Variants in COL5A2 observed in about 807,000 individuals in gnomAD.
COL5A2 encodes the protein collagen alpha-2(V) chain.
A neutral mutation model predicts 208.2 loss-of-function variants in COL5A2; 23 were observed. That is an observed-to-expected ratio of 0.11 (90% CI 0.08 to 0.16). COL5A2 has a LOEUF of 0.16. Ranked by LOEUF, COL5A2 falls within the 10% of genes least tolerant of loss-of-function variation. The pLI is 1.00. For missense variants in COL5A2, 1,590 were observed against 1,956.4 expected, an observed-to-expected ratio of 0.81 and a Z score of 3.53; for synonymous variants, 625 against 628.5, an observed-to-expected ratio of 0.99 and a Z score of 0.08.
chr2:189,380,194 A>G, the COL5A2 span, among the ~76,000 whole-genome samples: 2 of 152,104 alleles, frequency 1.3e-5, no homozygotes, highest in African/African-American at 4.8e-5. Flanking sequence ...AATAGGCTCT[A>G]TCTAGGGAAG....
At chr2:189,405,317 C>T in the COL5A2 span, among the ~76,000 whole-genome samples, 8 of 151,842 alleles carry the variant, frequency 5.3e-5, no homozygotes, top group Non-Finnish European at 1.0e-4. Flanking sequence ...CTGCAACCTC[C>T]GCCTCCTGGC....
the COL5A2 span, among the ~76,000 whole-genome samples, chr2:189,286,945 A>C: frequency 1.3e-5 from 2 of 152,138 alleles, no homozygotes. Context: ...AGCAAAAAAA[A>C]CTTAAGAATG....
At chr2:189,266,890 C>T in the COL5A2 span, among the ~76,000 whole-genome samples, 105 of 151,872 alleles carry the variant, frequency 6.9e-4, 1 homozygote, top group African/African-American at 2.5e-3. Context: ...CATTCTACTC[C>T]TAGGTACATA....
At chr2:189,112,339 A>G (rs1256461505) in intron 1 of COL5A2, among the ~76,000 whole-genome samples, 1 of 152,246 alleles carries the variant, frequency 6.6e-6, no homozygotes, top group East Asian at 1.9e-4. Context: ...GAAAGATATT[A>G]TCATTTGGCA....
At chr2:189,075,690 TTC>T (rs1252740218) in intron 16 of COL5A2, among the ~76,000 whole-genome samples, 4 of 152,210 alleles carry the variant, frequency 2.6e-5, no homozygotes, top group African/African-American at 4.8e-5. Flanking sequence ...ATTAAAATGA[TTC>T]TTTTACTTTA....
At chr2:189,067,727 A>C (rs898450526) in intron 21 of COL5A2, among the ~76,000 whole-genome samples, 1 of 152,174 alleles carries the variant, frequency 6.6e-6, no homozygotes, top group Non-Finnish European at 1.5e-5. Flanking sequence ...CATAATATTT[A>C]TTATTCAATT....
chr2:189,100,587 G>C (rs1431173892), intron 3 of COL5A2, among the ~76,000 whole-genome samples: 2 of 151,776 alleles, frequency 1.3e-5, no homozygotes, highest in Admixed American at 6.6e-5. Flanking sequence ...ATAGTTTTCA[G>C]GATCTAATCA....
the COL5A2 span, among the ~76,000 whole-genome samples, chr2:189,310,477 A>C: frequency 6.6e-6 from 1 of 152,250 alleles, no homozygotes; most frequent in African/African-American, 2.4e-5. Context: ...ATTGGTGGGA[A>C]TGTAAATTAG....
intron 1 of COL5A2, among the ~76,000 whole-genome samples, chr2:189,191,151 AC>A (rs1559142082): frequency 1.8e-4 from 12 of 66,594 alleles, no homozygotes; most frequent in East Asian, 5.0e-4. Flanking sequence ...AAAAAAAAAA[AC>A]AAAAAACAAA....
chr2:189,393,458 G>A, the COL5A2 span, among the ~76,000 whole-genome samples: 1 of 152,030 alleles, frequency 6.6e-6, no homozygotes, highest in Non-Finnish European at 1.5e-5. Flanking sequence ...GTACTACAGA[G>A]ACCCATCTTT....
intron 17 of COL5A2, among the ~76,000 whole-genome samples, chr2:189,072,728 C>T (rs148740772): frequency 1.1e-4 from 16 of 140,652 alleles, no homozygotes; most frequent in African/African-American, 3.0e-4. Flanking sequence ...GCTGAGATCA[C>T]GCCATTGCAC....
At chr2:189,080,908 G>T (rs747126895) in intron 13 of COL5A2, 82 bp downstream of exon 13, 2 of 1,154,766 alleles carry the variant, frequency 1.7e-6, no homozygotes, top group Non-Finnish European at 2.6e-6. Context: ...AAATTGACTT[G>T]TAAAGATTTT....
chr2:189,081,615 A>C (rs1195208500), intron 12 of COL5A2, among the ~76,000 whole-genome samples: 1 of 152,184 alleles, frequency 6.6e-6, no homozygotes, highest in East Asian at 1.9e-4. Context: ...GTTTAGAAAA[A>C]AACTTTGTGG....
chr2:189,428,884 T>G, the COL5A2 span, among the ~76,000 whole-genome samples: 1 of 152,174 alleles, frequency 6.6e-6, no homozygotes, highest in Non-Finnish European at 1.5e-5. Context: ...ATCTCACTCA[T>G]AATGAGGCAA....
the COL5A2 span, among the ~76,000 whole-genome samples, chr2:189,278,012 C>G: frequency 6.6e-6 from 1 of 152,078 alleles, no homozygotes; most frequent in Non-Finnish European, 1.5e-5. Context: ...TAGTCCCACT[C>G]CCAGAATGCC....
At chr2:189,289,649 G>A in the COL5A2 span, among the ~76,000 whole-genome samples, 3 of 152,014 alleles carry the variant, frequency 2.0e-5, no homozygotes, top group Admixed American at 6.6e-5. Flanking sequence ...TAGACTCCAC[G>A]GAGAAAGCTG....
Position 189,034,902 on chromosome 2 carries a change from C to A in COL5A2, c.4353+14G>T. 6.2e-7 allele frequency: 1 copy of A among 1,613,702 alleles called. No individual in the cohort carries two copies. The highest frequency in any genetic ancestry group is 8.5e-7 in the Non-Finnish European group (1 of 1,179,790). ...TTTCCTCAACCAGATCAATGTAGAT[C>A]AAAAAGTACTTACAGAGCAAGTGTC... is the stretch of plus-strand genomic sequence containing the variant. On this transcript the variant is annotated intron_variant, in intron 53 of 53. Coordinates refer to ENST00000374866, the MANE Select transcript of COL5A2 (RefSeq NM_000393.5).
intron 1 of COL5A2, among the ~76,000 whole-genome samples, chr2:189,160,400 G>A (rs1038392210): frequency 2.6e-5 from 4 of 151,964 alleles, no homozygotes; most frequent in Non-Finnish European, 5.9e-5. Flanking sequence ...CTATATCTTG[G>A]GCAATCTTTA....
the COL5A2 span, among the ~76,000 whole-genome samples, chr2:189,355,099 T>A: frequency 2.6e-5 from 4 of 152,324 alleles, no homozygotes; most frequent in South Asian, 8.3e-4. Flanking sequence ...TTTGAGTGAG[T>A]TTCTCAATCC....
Sources: gnomAD v4.1 joint callset for allele counts (sites outside exome capture counted in the v4.1 genomes callset) on GRCh38, gnomAD v4.1.1 for gene constraint, MANE v1.5 for transcripts, NCBI Gene and HGNC (gene_info 2026-07-23, HGNC 2026-07-21) for gene names.